Variants in ACOXL observed in about 807,000 individuals in gnomAD.
The protein encoded by ACOXL is acyl-coenzyme A oxidase-like protein.
In ACOXL, 70 loss-of-function variants were observed where a neutral mutation model predicts 71.9. That is an observed-to-expected ratio of 0.97 (90% CI 0.80 to 1.19). The LOEUF is 1.19. ACOXL is among the 50% of genes most tolerant of loss of function. The probability of loss-of-function intolerance (pLI) is 0.00; values close to 1 mark genes in which losing one functional copy is unlikely to be tolerated. For synonymous variants in ACOXL, 253 were observed against 281.6 expected (o/e 0.90, Z 1.02); for missense variants, 703 against 736.3 (o/e 0.95, Z 0.52).
intron 1 of ACOXL, among the ~76,000 whole-genome samples, chr2:110,750,683 GTATATATA>G (rs150301771): frequency 6.8e-6 from 1 of 147,592 alleles, no homozygotes; most frequent in Non-Finnish European, 1.5e-5. Flanking sequence ...GTGTGTGTGT[GTATATATA>G]TATATATGTA....
chr2:110,900,105 ACACACACACACACACACACACACACTT>A (rs1228335324), intron 10 of ACOXL, among the ~76,000 whole-genome samples: 3 of 78,148 alleles, frequency 3.8e-5, no homozygotes, highest in East Asian at 4.0e-4. Context: ...ACACACACAC[ACACACACACACACACACACACACACTT>A]CTTCTAAAAA....
Position 110,784,745 on chromosome 2 carries a change from AG to A in ACOXL, c.90del (p.Asn31IlefsTer9). On this transcript the variant is annotated frameshift_variant, in exon 3 of 18. Transcript: ENST00000439055. LOFTEE classifies it high-confidence loss of function. ...TCATATTTTCAGGCAGAGAAAACAA[AG>A]AATTTTGTCAGCCGAAGCCTTGTCA... ...RAGQDLAEKT[K>X]NFVSRSLVIG... The A allele has an allele frequency of 6.2e-7, 1 of 1,603,506 alleles. No homozygotes were observed. The highest frequency in any genetic ancestry group is 8.5e-7 in the Non-Finnish European group (1 of 1,175,894).
intron 10 of ACOXL, among the ~76,000 whole-genome samples, chr2:110,865,533 A>C (rs999995508): frequency 1.3e-5 from 2 of 152,220 alleles, no homozygotes; most frequent in African/African-American, 4.8e-5. Flanking sequence ...AGCCAACCTA[A>C]GGGGTATTGA....
At chr2:110,849,354 C>T (rs1692312476) in intron 10 of ACOXL, among the ~76,000 whole-genome samples, 1 of 152,180 alleles carries the variant, frequency 6.6e-6, no homozygotes, top group Non-Finnish European at 1.5e-5. Flanking sequence ...CTTTCAAAGA[C>T]TAAGACATCC....
chr2:110,907,407 ACAT>A (rs2059493020), intron 10 of ACOXL, among the ~76,000 whole-genome samples: 1 of 152,132 alleles, frequency 6.6e-6, no homozygotes, highest in East Asian at 1.9e-4. Flanking sequence ...CAGTGACCTA[ACAT>A]CATGATGACA....
chr2:111,035,012 T>A (rs1280861740), intron 15 of ACOXL, among the ~76,000 whole-genome samples: 1 of 150,998 alleles, frequency 6.6e-6, no homozygotes, highest in African/African-American at 2.4e-5. Context: ...GGACTACAGG[T>A]GCCCGCCACC....
intron 16 of ACOXL, among the ~76,000 whole-genome samples, chr2:111,062,643 C>A (rs755779426): frequency 2.6e-5 from 4 of 151,942 alleles, no homozygotes; most frequent in Non-Finnish European, 1.5e-5. Flanking sequence ...AAATACAACA[C>A]GTCAAATTGG....
rs550118713 is a variant in ACOXL at position 110,794,093 on chromosome 2, G to A, written c.264G>A (p.Gly88=). Residue 88 remains glycine (G), a synonymous_variant, in exon 5 of 18, where the codon GGG becomes GGA. Transcript: ENST00000439055. The part of the protein sequence containing the change: ...FQPLQEQKYT[G]MFAMTERGHG... ...AACTCCAGGAGCAGAAATACACTGG[G>A]ATGTTTGCAATGACCGAGAGGGGCC... The A allele has an allele frequency of 4.3e-6, 7 of 1,614,178 alleles. No homozygotes were observed. The highest frequency in any genetic ancestry group is 3.3e-4 in the Middle Eastern group (2 of 6,062).
chr2:111,034,639 GA>G (rs1361712461), intron 15 of ACOXL, among the ~76,000 whole-genome samples: 1 of 152,216 alleles, frequency 6.6e-6, no homozygotes, highest in Non-Finnish European at 1.5e-5. Flanking sequence ...GAAAGCCCAG[GA>G]ATGTTTTGAA....
chr2:111,049,365 C>T, intron 16 of ACOXL, 77 bp downstream of exon 16: 1 of 1,137,544 alleles, frequency 8.8e-7, no homozygotes, highest in Admixed American at 1.9e-5. Flanking sequence ...TTCATTTTTA[C>T]AAGCGGGAGT....
intron 12 of ACOXL, among the ~76,000 whole-genome samples, chr2:110,983,131 A>C (rs1325410205): frequency 1.3e-5 from 2 of 152,180 alleles, no homozygotes; most frequent in Admixed American, 6.5e-5. Flanking sequence ...ATCTCCTTGG[A>C]AATCACATTT....
chr2:110,977,917 G>A (rs1022187562), intron 12 of ACOXL, among the ~76,000 whole-genome samples: 4 of 152,152 alleles, frequency 2.6e-5, no homozygotes, highest in East Asian at 1.9e-4. Context: ...AGAGATTGCC[G>A]TGGGGATTCT....
At chr2:111,040,530 G>T (rs750033761) in intron 15 of ACOXL, among the ~76,000 whole-genome samples, 1 of 152,166 alleles carries the variant, frequency 6.6e-6, no homozygotes, top group Non-Finnish European at 1.5e-5. Context: ...AAAAGGTCCA[G>T]TATGAAACAG....
chr2:111,089,601 T>G (rs1213566014), intron 16 of ACOXL, among the ~76,000 whole-genome samples: 1 of 152,162 alleles, frequency 6.6e-6, no homozygotes, highest in East Asian at 1.9e-4. Flanking sequence ...AAAATAAATT[T>G]AAAATTAAAA....
intron 12 of ACOXL, among the ~76,000 whole-genome samples, chr2:110,952,189 T>C (rs778972685): frequency 4.6e-5 from 7 of 152,240 alleles, no homozygotes; most frequent in African/African-American, 9.6e-5. Flanking sequence ...TTTTCTGTTC[T>C]TGAGTCTGTT....
At chr2:110,778,183 G>A (rs1035657425) in intron 2 of ACOXL, among the ~76,000 whole-genome samples, 2 of 152,166 alleles carry the variant, frequency 1.3e-5, no homozygotes, top group African/African-American at 4.8e-5. Flanking sequence ...AGTTTTCCAA[G>A]TCTGCTTTTC....
At chr2:110,848,940 G>T (rs190152914) in intron 10 of ACOXL, among the ~76,000 whole-genome samples, 108 of 152,306 alleles carry the variant, frequency 7.1e-4, no homozygotes, top group African/African-American at 2.3e-3. Context: ...TCACGCTGCT[G>T]TCTCCTCACG....
chr2:111,070,131 C>G (rs1229997549), intron 16 of ACOXL, among the ~76,000 whole-genome samples: 1 of 152,096 alleles, frequency 6.6e-6, no homozygotes, highest in Non-Finnish European at 1.5e-5. Context: ...ACTCTTCGAC[C>G]CAGCAAACCC....
At chr2:110,891,350 C>T (rs1697911738) in intron 10 of ACOXL, among the ~76,000 whole-genome samples, 1 of 152,022 alleles carries the variant, frequency 6.6e-6, no homozygotes. Flanking sequence ...CACCTCATCT[C>T]TTATGGTTGC....
Sources: allele counts gnomAD v4.1 joint callset (sites outside exome capture counted in the v4.1 genomes callset), GRCh38; gene constraint gnomAD v4.1.1; transcripts MANE v1.5; gene names NCBI Gene and HGNC (gene_info 2026-07-23, HGNC 2026-07-21).